Variants in INVS observed in about 807,000 individuals in gnomAD.
The protein encoded by INVS is inversion of embryo turning homolog.
In INVS, 86 loss-of-function variants were observed where a neutral mutation model predicts 108.8. That is an observed-to-expected ratio of 0.79 (90% CI 0.66 to 0.95). The LOEUF (loss-of-function observed/expected upper bound fraction) is 0.95. Among genes scored for constraint, INVS ranks in the 40% least tolerant of loss-of-function variants. INVS has a pLI of 0.00. For missense variants in INVS, 1,169 were observed against 1,297.4 expected, an observed-to-expected ratio of 0.90 and a Z score of 1.52; for synonymous variants, 455 against 473.5, an observed-to-expected ratio of 0.96 and a Z score of 0.51.
At position 100,100,638 on chromosome 9, in the gene INVS, TTA is replaced by T. The variant is rs1490749349; in HGVS notation, c.-25+1228_-25+1229del. On this transcript the variant is annotated intron_variant, in intron 1 of 16. Coordinates refer to ENST00000262457, the MANE Select transcript of INVS (RefSeq NM_014425.5). ...AATATATGTATATATAATATATATA[TTA>T]TATATGTATATATAATATATATATT... Among the ~76,000 whole-genome samples the T allele has an allele frequency of 1.1e-3, 64 of 58,118 alleles. 3 individuals are homozygous for T. Among genetic ancestry groups the T allele is most frequent in the African/African-American group, 4.8e-3 (44 of 9,144 alleles). 38.1% of individuals were successfully genotyped at this position (58,118 alleles called of 152,430 possible).
intron 8 of INVS, among the ~76,000 whole-genome samples, chr9:100,250,587 T>C (rs1024284562): frequency 3.9e-5 from 6 of 152,166 alleles, no homozygotes; most frequent in African/African-American, 9.7e-5. Context: ...ACAAAGATTC[T>C]ATGTCAAATC....
intron 1 of INVS, among the ~76,000 whole-genome samples, chr9:100,102,334 A>C (rs1247843733): frequency 2.0e-5 from 3 of 152,054 alleles, no homozygotes; most frequent in African/African-American, 7.2e-5. Context: ...CTCCTGTCAT[A>C]TGTTTTTAAA....
At chr9:100,119,651 G>C (rs903477826) in intron 2 of INVS, among the ~76,000 whole-genome samples, 2 of 152,168 alleles carry the variant, frequency 1.3e-5, no homozygotes, top group African/African-American at 4.8e-5. Context: ...TCTGCCTCCC[G>C]GGTTCACGCC....
chr9:100,266,542 C>T (rs1282927503), intron 11 of INVS, among the ~76,000 whole-genome samples: 1 of 152,148 alleles, frequency 6.6e-6, no homozygotes, highest in Non-Finnish European at 1.5e-5. Flanking sequence ...AACCAGAGGT[C>T]ACTCTCGTCT....
intron 3 of INVS, among the ~76,000 whole-genome samples, chr9:100,185,250 C>T (rs1315582715): frequency 1.3e-5 from 2 of 151,684 alleles, no homozygotes; most frequent in Admixed American, 1.3e-4. Context: ...AATGTGCATA[C>T]AAGAATGTAC....
At chr9:100,262,228 C>T (rs1220797257) in intron 10 of INVS, among the ~76,000 whole-genome samples, 1 of 121,744 alleles carries the variant, frequency 8.2e-6, no homozygotes, top group Non-Finnish European at 1.8e-5. Context: ...CAAGGTAAGG[C>T]TAACCTTGTC....
intron 3 of INVS, among the ~76,000 whole-genome samples, chr9:100,149,280 A>T (rs1419387461): frequency 6.6e-6 from 1 of 152,196 alleles, no homozygotes; most frequent in Non-Finnish European, 1.5e-5. Flanking sequence ...TGCTTCCAAA[A>T]GAAGGCACCA....
intron 2 of INVS, among the ~76,000 whole-genome samples, chr9:100,124,764 T>G (rs1367694312): frequency 6.6e-6 from 1 of 152,206 alleles, no homozygotes; most frequent in Non-Finnish European, 1.5e-5. Context: ...GATTATCTTT[T>G]CTTGTTTAAA....
intron 3 of INVS, among the ~76,000 whole-genome samples, chr9:100,186,049 G>C (rs368782474): frequency 2.0e-5 from 3 of 152,138 alleles, no homozygotes; most frequent in African/African-American, 7.2e-5. Context: ...TTTCCTCGGG[G>C]TAAATACCCA....
chr9:100,297,888 A>G (rs773565251), intron 15 of INVS, 48 bp from the exon 16 acceptor site: 1 of 1,606,014 alleles, frequency 6.2e-7, no homozygotes, highest in Non-Finnish European at 8.5e-7. Context: ...TGGTCAGGCC[A>G]AACGTATCCC....
intron 3 of INVS, among the ~76,000 whole-genome samples, chr9:100,141,707 A>G (rs1225969964): frequency 3.3e-5 from 5 of 152,164 alleles, no homozygotes; most frequent in Non-Finnish European, 7.4e-5. Context: ...ATATGTAGGA[A>G]AGGGAGGAGG....
At position 100,301,529 on chromosome 9, in the gene INVS, A is replaced by AT. The variant is rs1367340680; in HGVS notation, c.*858dup. On this transcript the variant is annotated 3_prime_UTR_variant, in exon 17 of 17. Transcript: ENST00000262457. ...AAGTGAGCAATCTTCTTAAAATGCC[A>AT]TTTCTGTTGGCAGGGAAGAATGAAA... 6.6e-6 allele frequency among the ~76,000 whole-genome samples: 1 copy of AT among 152,182 alleles called. No homozygotes were observed.
chr9:100,248,978 G>A (rs575716519), intron 8 of INVS, among the ~76,000 whole-genome samples: 7 of 115,344 alleles, frequency 6.1e-5, no homozygotes, highest in Admixed American at 7.8e-5. Context: ...GGGCTCAAGC[G>A]ATCCTCCCAC....
chr9:100,186,298 C>T (rs960518348), intron 3 of INVS, among the ~76,000 whole-genome samples: 1 of 152,160 alleles, frequency 6.6e-6, no homozygotes, highest in South Asian at 2.1e-4. Context: ...TACAGGCACC[C>T]ACCACCACGC....
At chr9:100,207,304 T>G (rs1823102449) in intron 3 of INVS, among the ~76,000 whole-genome samples, 1 of 152,130 alleles carries the variant, frequency 6.6e-6, no homozygotes. Flanking sequence ...GTTTATTTAT[T>G]TATTTTTCAG....
At chr9:100,151,447 C>A (rs1388565542) in intron 3 of INVS, among the ~76,000 whole-genome samples, 2 of 151,888 alleles carry the variant, frequency 1.3e-5, no homozygotes, top group Non-Finnish European at 2.9e-5. Flanking sequence ...CCACTGCATT[C>A]CAGCCTGGAC....
At chr9:100,234,205 TC>T (rs1831605938) in intron 5 of INVS, among the ~76,000 whole-genome samples, 1 of 152,202 alleles carries the variant, frequency 6.6e-6, no homozygotes, top group South Asian at 2.1e-4. Context: ...TTCTGTGGGG[TC>T]AGTGGTGATA....
intron 3 of INVS, among the ~76,000 whole-genome samples, chr9:100,192,978 CT>C (rs59924532): frequency 2.3e-3 from 320 of 136,868 alleles, no homozygotes; most frequent in South Asian, 7.4e-3. Context: ...ATACCAATGT[CT>C]TTTTTTTTTT....
chr9:100,100,610 TATAATATATG>T (rs1826810572), intron 1 of INVS, among the ~76,000 whole-genome samples: 1 of 92,068 alleles, frequency 1.1e-5, no homozygotes, highest in African/African-American at 4.4e-5. Context: ...ATATAATATA[TATAATATATG>T]TATATATAAT....
Sources: allele counts gnomAD v4.1 joint callset (sites outside exome capture counted in the v4.1 genomes callset), GRCh38; gene constraint gnomAD v4.1.1; transcripts MANE v1.5; gene names NCBI Gene and HGNC (gene_info 2026-07-23, HGNC 2026-07-21).